The following NFATC3 variants were observed in gnomAD, a reference collection of about 807,000 sequenced individuals.
The protein encoded by NFATC3 is nuclear factor of activated T cells 3.
NFATC3 carries 46 observed loss-of-function variants against 98.6 expected under a neutral mutation model. That is an observed-to-expected ratio of 0.47 (90% CI 0.37 to 0.60). NFATC3 has a LOEUF of 0.60. Among genes scored for constraint, NFATC3 ranks in the 20% least tolerant of loss-of-function variants. NFATC3 has a pLI of 0.00. For synonymous variants in NFATC3, 512 were observed against 472.2 expected (o/e 1.08, Z -1.09); for missense variants, 1,256 against 1,295.5 (o/e 0.97, Z 0.47).
In NFATC3 at chr16:68,191,521, C is replaced by T; in HGVS notation, c.2852C>T (p.Pro951Leu). 3.7e-6 allele frequency: 6 copies of T among 1,614,162 alleles called. No homozygotes were observed. Among genetic ancestry groups the T allele is most frequent in the Non-Finnish European group, 5.1e-6 (6 of 1,180,038 alleles). ...GPPSPQLQPM[P>L]YQSPSSGTAS... is the part of the protein sequence containing the mutation. ...CCATCTCCTCAGCTTCAGCCTATGC[C>T]TTACCAATCTCCTAGCTCAGGAACT... Residue 951 changes from proline to leucine, a missense_variant, in exon 9 of 10, where the codon CCT becomes CTT. Pro to Leu is a moderately conservative substitution (Grantham distance 98). Transcript: ENST00000346183.
intron 1 of NFATC3, among the ~76,000 whole-genome samples, chr16:68,109,965 T>G (rs1213022382): frequency 6.6e-6 from 1 of 152,208 alleles, no homozygotes; most frequent in Non-Finnish European, 1.5e-5. Flanking sequence ...CTTGTCTCTT[T>G]TCTTCATTAG....
chr16:68,223,359 C>CA (rs921353453), intron 9 of NFATC3, among the ~76,000 whole-genome samples: 3 of 152,078 alleles, frequency 2.0e-5, no homozygotes, highest in South Asian at 2.1e-4. Flanking sequence ...CCTATCTCTA[C>CA]AAAAAAAATT....
Position 68,122,064 on chromosome 16 carries a change from T to G in NFATC3, c.181T>G (p.Cys61Gly). ...PPPSTLTTPL[C>G]LPHHGLPSHS... The stretch of plus-strand genomic sequence containing the variant: ...TCCATCTACTTTAACCACACCACTT[T>G]GCTTACCACATCATGGATTACCGTC... The change falls in exon 2 of 10, where the codon TGC (cysteine) becomes GGC (glycine). Residue 61 changes from cysteine (C) to glycine (G), a missense_variant. Physicochemically the swap from Cys to Gly is radical, Grantham distance 159. Around this residue, in one of 3 missense-constraint regions of NFATC3, gnomAD observed 464 missense variants for 465.7 expected, o/e 1.00. Coordinates refer to ENST00000346183, the MANE Select transcript of NFATC3 (RefSeq NM_173165.3). 1 of 1,614,092 alleles carries G rather than the reference T, an allele frequency of 6.2e-7. No individual in the cohort carries two copies. Among genetic ancestry groups the G allele is most frequent in the Non-Finnish European group, 8.5e-7 (1 of 1,180,016 alleles).
chr16:68,132,566 G>A lies in NFATC3; in HGVS notation c.1401+5956G>A, dbSNP rs117295996. 3.6e-4 allele frequency among the ~76,000 whole-genome samples: 55 copies of A among 152,274 alleles called. No homozygotes were observed. In the East Asian group the frequency reaches 0.01, roughly 29 times the overall value. On this transcript the variant is annotated intron_variant, in intron 3 of 9. Coordinates refer to ENST00000346183, the MANE Select transcript of NFATC3 (RefSeq NM_173165.3). ...TGTTGGGAATTCATCCATAGAAGAG[G>A]AAATCAGTATACTGAAGAGATCACA...
At chr16:68,220,594 C>CTTT (rs575448565) in intron 9 of NFATC3, among the ~76,000 whole-genome samples, 3 of 139,620 alleles carry the variant, frequency 2.1e-5, no homozygotes, top group African/African-American at 7.9e-5. Flanking sequence ...TTTATTTTTC[C>CTTT]TTTTTTTTTT....
intron 9 of NFATC3, among the ~76,000 whole-genome samples, chr16:68,197,600 T>G (rs2040730378): frequency 6.6e-6 from 1 of 152,162 alleles, no homozygotes; most frequent in Non-Finnish European, 1.5e-5. Flanking sequence ...GTATTTTAAG[T>G]GAGTCATAGA....
At chr16:68,156,748 G>C (rs912971831) in intron 3 of NFATC3, among the ~76,000 whole-genome samples, 1 of 152,102 alleles carries the variant, frequency 6.6e-6, no homozygotes, top group Non-Finnish European at 1.5e-5. Context: ...AGATCGCCCT[G>C]GCCAGCATGG....
chr16:68,140,463 A>T (rs1368590868), intron 3 of NFATC3, among the ~76,000 whole-genome samples: 2 of 152,212 alleles, frequency 1.3e-5, no homozygotes, highest in Admixed American at 6.5e-5. Context: ...TTTAAATTAA[A>T]CTGAAATTAA....
At chr16:68,200,534 C>T (rs959523055) in intron 9 of NFATC3, 2 of 152,050 alleles carry the variant, frequency 1.3e-5, no homozygotes, top group Non-Finnish European at 2.9e-5. Context: ...AGAAGCATTT[C>T]TCAGTCTCAG....
chr16:68,085,885 C>T (rs2034340740), intron 1 of NFATC3, 101 bp downstream of exon 1: 1 of 924,148 alleles, frequency 1.1e-6, no homozygotes, highest in East Asian at 3.3e-5. Flanking sequence ...GACCGATAAC[C>T]CTGTGTGTGT....
At chr16:68,158,901 A>G (rs1165232384) in intron 4 of NFATC3, among the ~76,000 whole-genome samples, 3 of 152,220 alleles carry the variant, frequency 2.0e-5, no homozygotes, top group Non-Finnish European at 4.4e-5. Flanking sequence ...TGTAAGGAAC[A>G]CATGGTTATG....
intron 3 of NFATC3, among the ~76,000 whole-genome samples, chr16:68,128,966 C>T (rs187458780): frequency 6.6e-6 from 1 of 151,986 alleles, no homozygotes; most frequent in Admixed American, 6.5e-5. Context: ...CATTGTGGCA[C>T]ACCCTTGTAG....
intron 1 of NFATC3, among the ~76,000 whole-genome samples, chr16:68,118,757 A>G (rs1020815484): frequency 1.3e-5 from 2 of 152,192 alleles, no homozygotes; most frequent in Non-Finnish European, 2.9e-5. Flanking sequence ...GGACTCTCAT[A>G]TTTAATATGT....
At chr16:68,142,652 G>C (rs527805009) in intron 3 of NFATC3, among the ~76,000 whole-genome samples, 134 of 152,078 alleles carry the variant, frequency 8.8e-4, no homozygotes, top group African/African-American at 3.1e-3. Flanking sequence ...CAGCTACTTG[G>C]GAGGCTGAGG....
chr16:68,163,806 C>T (rs1384433113), intron 4 of NFATC3, among the ~76,000 whole-genome samples: 3 of 151,300 alleles, frequency 2.0e-5, no homozygotes, highest in East Asian at 2.0e-4. Context: ...AGACGATGGG[C>T]GGCCGGGCAG....
At chr16:68,198,163 C>A (rs2040752558) in intron 9 of NFATC3, among the ~76,000 whole-genome samples, 1 of 151,798 alleles carries the variant, frequency 6.6e-6, no homozygotes, top group African/African-American at 2.4e-5. Context: ...GGAAAAATTA[C>A]AAAAGTTACC....
intron 2 of NFATC3, among the ~76,000 whole-genome samples, chr16:68,123,607 AG>A (rs1391654400): frequency 6.6e-6 from 1 of 152,008 alleles, no homozygotes; most frequent in Non-Finnish European, 1.5e-5. Context: ...TCAAGGCTGC[AG>A]TGAAACATGA....
intron 3 of NFATC3, among the ~76,000 whole-genome samples, chr16:68,139,502 G>A (rs2037630919): frequency 6.6e-6 from 1 of 152,184 alleles, no homozygotes; most frequent in Non-Finnish European, 1.5e-5. Flanking sequence ...ATGGGCTAGT[G>A]ATATGTGAAA....
At chr16:68,148,612 G>T (rs1347831586) in intron 3 of NFATC3, among the ~76,000 whole-genome samples, 2 of 152,208 alleles carry the variant, frequency 1.3e-5, no homozygotes, top group African/African-American at 4.8e-5. Flanking sequence ...TTTTGCATCT[G>T]AGAACTCTGG....
Sources: allele counts gnomAD v4.1 joint callset (sites outside exome capture counted in the v4.1 genomes callset), GRCh38; gene constraint gnomAD v4.1.1; regional missense constraint gnomAD v4.1.1; transcripts MANE v1.5; gene names NCBI Gene and HGNC (gene_info 2026-07-23, HGNC 2026-07-21).